NR3C2: variants seen among roughly 807,000 people sequenced by gnomAD.
NR3C2 encodes the protein mineralocorticoid receptor.
In NR3C2, 15 loss-of-function variants were observed where a neutral mutation model predicts 86.4. The ratio of observed to expected loss-of-function variants is 0.17; its 90% CI spans 0.12 to 0.27. The LOEUF (loss-of-function observed/expected upper bound fraction) is 0.27. NR3C2 is among the 10% of genes least tolerant of loss of function. NR3C2 has a pLI of 1.00. For synonymous variants in NR3C2, 458 were observed against 450.5 expected (o/e 1.02, Z -0.21); for missense variants, 960 against 1,195.6 (o/e 0.80, Z 2.91).
chr4:148,175,315 T>C (rs943990106), intron 4 of NR3C2, among the ~76,000 whole-genome samples: 1 of 152,028 alleles, frequency 6.6e-6, no homozygotes. Context: ...AACAGAGACC[T>C]AGAAAAGGAA....
intron 2 of NR3C2, among the ~76,000 whole-genome samples, chr4:148,349,371 T>C (rs1745158816): frequency 6.6e-6 from 1 of 152,154 alleles, no homozygotes; most frequent in Admixed American, 6.6e-5. Flanking sequence ...TCTCTTGTAC[T>C]ATAACCTGGG....
chr4:148,188,735 G>T (rs915618834), intron 4 of NR3C2, among the ~76,000 whole-genome samples: 4 of 151,942 alleles, frequency 2.6e-5, no homozygotes, highest in Admixed American at 2.6e-4. Flanking sequence ...TCTTTCTCTT[G>T]TCTGATCGCT....
chr4:148,084,501 G>T (rs187364707), intron 8 of NR3C2, among the ~76,000 whole-genome samples: 1 of 152,248 alleles, frequency 6.6e-6, no homozygotes, highest in African/African-American at 2.4e-5. Context: ...TGCGTTACAA[G>T]AGCTCCTGAA....
At chr4:148,092,692 T>C (rs745020) in intron 8 of NR3C2, among the ~76,000 whole-genome samples, 6,469 of 152,262 alleles carry the variant, frequency 0.042, 447 homozygotes, top group African/African-American at 0.15. Flanking sequence ...TGAAGCTAAC[T>C]CCTTTCCATC....
upstream of NR3C2, chr4:148,444,851 C>T (rs1750508508): frequency 1.0e-6 from 1 of 984,920 alleles, no homozygotes; most frequent in African/African-American, 1.7e-5. Context: ...CAGCGGCGTC[C>T]CTGGGAGCCG....
At chr4:148,389,900 T>A (rs1747454872) in intron 2 of NR3C2, among the ~76,000 whole-genome samples, 1 of 152,106 alleles carries the variant, frequency 6.6e-6, no homozygotes, top group Non-Finnish European at 1.5e-5. Context: ...AACATCAGAC[T>A]ATTGAAAAAA....
At chr4:148,091,215 G>A (rs1211425999) in intron 8 of NR3C2, among the ~76,000 whole-genome samples, 4 of 152,240 alleles carry the variant, frequency 2.6e-5, no homozygotes, top group Non-Finnish European at 5.9e-5. Flanking sequence ...GAACATCTGT[G>A]AGAATCCAAG....
intron 2 of NR3C2, among the ~76,000 whole-genome samples, chr4:148,358,633 A>C (rs1579202142): frequency 2.0e-4 from 1 of 5,008 alleles, no homozygotes; most frequent in Admixed American, 3.7e-3. Context: ...ACAAATAAAA[A>C]ATAAAAAAAA....
intron 2 of NR3C2, among the ~76,000 whole-genome samples, chr4:148,285,779 A>T (rs2149901944): frequency 6.6e-6 from 1 of 152,304 alleles, no homozygotes; most frequent in East Asian, 1.9e-4. Flanking sequence ...CCTGTCTTGT[A>T]CATGTGGAGA....
At chr4:148,363,693 T>C (rs1479470840) in intron 2 of NR3C2, among the ~76,000 whole-genome samples, 6 of 151,846 alleles carry the variant, frequency 4.0e-5, no homozygotes, top group Non-Finnish European at 7.4e-5. Flanking sequence ...TTAGTAGAGA[T>C]GGGGTTTAAC....
intron 2 of NR3C2, among the ~76,000 whole-genome samples, chr4:148,412,337 T>C (rs1579267824): frequency 6.6e-6 from 1 of 152,226 alleles, no homozygotes; most frequent in East Asian, 1.9e-4. Flanking sequence ...TTCCTGGGAC[T>C]GACTTATTCC....
intron 3 of NR3C2, among the ~76,000 whole-genome samples, chr4:148,255,762 A>T (rs1739802332): frequency 6.6e-6 from 1 of 152,236 alleles, no homozygotes; most frequent in African/African-American, 2.4e-5. Context: ...ATCACAAAGT[A>T]AAAAACACAG....
intron 4 of NR3C2, among the ~76,000 whole-genome samples, chr4:148,155,633 C>T (rs1734339890): frequency 6.6e-6 from 1 of 152,012 alleles, no homozygotes; most frequent in South Asian, 2.1e-4. Flanking sequence ...AATGGAAGAA[C>T]ATTCCATGCT....
chr4:148,444,439 C>T, upstream of NR3C2: 2 of 986,228 alleles, frequency 2.0e-6, no homozygotes, highest in Non-Finnish European at 2.4e-6. Context: ...GCCCTGGGCG[C>T]GCAACCTGCC....
At position 148,080,232 on chromosome 4, in the gene NR3C2, T is replaced by TGGA. The variant is rs1334135878; in HGVS notation, c.*1109_*1111dup. ...ATGAAGCAGAAGCCAGAAAACGTGC[T>TGGA]GGAGTCCCACAAATGCCCCAAGCGG... On this transcript the variant is annotated 3_prime_UTR_variant, in exon 9 of 9. Coordinates refer to ENST00000358102, the MANE Select transcript of NR3C2 (RefSeq NM_000901.5). 6.6e-6 allele frequency: 1 copy of TGGA among 152,454 alleles called. No individual in the cohort carries two copies. The highest frequency in any genetic ancestry group is 1.5e-5 in the Non-Finnish European group (1 of 68,054). 9.4% of individuals were successfully genotyped at this position (152,454 alleles called of 1,614,324 possible).
At chr4:148,214,396 A>G (rs10050229) in intron 3 of NR3C2, among the ~76,000 whole-genome samples, 58,226 of 151,800 alleles carry the variant, frequency 0.38, 12,173 homozygotes, top group African/African-American at 0.55. Context: ...AGAGTAATAC[A>G]ACAACTATGT....
At chr4:148,406,707 G>A (rs1345278808) in intron 2 of NR3C2, among the ~76,000 whole-genome samples, 1 of 152,114 alleles carries the variant, frequency 6.6e-6, no homozygotes, top group Non-Finnish European at 1.5e-5. Context: ...CTGACTGATA[G>A]GATCCTAAAT....
chr4:148,122,037 C>T (rs1400756422), intron 6 of NR3C2, among the ~76,000 whole-genome samples: 4 of 152,008 alleles, frequency 2.6e-5, no homozygotes, highest in African/African-American at 9.7e-5. Flanking sequence ...ATGAGCGTGC[C>T]CTTACTTCAC....
intron 2 of NR3C2, among the ~76,000 whole-genome samples, chr4:148,273,632 T>C (rs985343691): frequency 2.6e-5 from 4 of 151,986 alleles, no homozygotes; most frequent in African/African-American, 9.7e-5. Flanking sequence ...CCCAGCACAG[T>C]GTATCACAAG....
Sources: gnomAD v4.1 joint callset for allele counts (sites outside exome capture counted in the v4.1 genomes callset) on GRCh38, gnomAD v4.1.1 for gene constraint, MANE v1.5 for transcripts, NCBI Gene and HGNC (gene_info 2026-07-23, HGNC 2026-07-21) for gene names.